Variants in SDK2 observed in about 807,000 individuals in gnomAD.
The protein encoded by SDK2 is protein sidekick-2.
A neutral mutation model predicts 253.9 loss-of-function variants in SDK2; 105 were observed. The observed-to-expected ratio is 0.41, with a 90% CI of 0.35 to 0.49. SDK2 has a LOEUF of 0.49. SDK2 is among the 20% of genes least tolerant of loss of function. The pLI is 0.06. For synonymous variants in SDK2, 1,249 were observed against 1,234.9 expected (o/e 1.01, Z -0.24); for missense variants, 2,608 against 3,003.0 (o/e 0.87, Z 3.07).
intron 1 of SDK2, among the ~76,000 whole-genome samples, chr17:73,508,461 C>T (rs549340321): frequency 4.6e-5 from 7 of 152,182 alleles, no homozygotes; most frequent in East Asian, 3.9e-4. Flanking sequence ...ATGGGAGAGA[C>T]GGAGGGAAGG....
rs553519509 is a variant in SDK2 at position 73,620,556 on chromosome 17, TCAAA to T, written c.64+23465_64+23468del. Among the ~76,000 whole-genome samples the T allele has an allele frequency of 3.3e-5, 5 of 152,286 alleles. No homozygotes were observed. The East Asian group carries it at 9.6e-4, about 29-fold the overall frequency. On this transcript the variant is annotated intron_variant, in intron 1 of 44. Transcript: ENST00000392650. ...ACCCAAAAGAACTGAGAACAAGGTC[TCAAA>T]CAAACACATGCACACACCTATTCAT...
chr17:73,640,518 G>A (rs534551816), intron 1 of SDK2, among the ~76,000 whole-genome samples: 3 of 152,240 alleles, frequency 2.0e-5, no homozygotes, highest in Non-Finnish European at 4.4e-5. Context: ...ACTCTCGAGT[G>A]GGGCTTTTGA....
chr17:73,605,315 AGAG>A (rs1216035434), intron 1 of SDK2, among the ~76,000 whole-genome samples: 1 of 152,032 alleles, frequency 6.6e-6, no homozygotes, highest in Non-Finnish European at 1.5e-5. Flanking sequence ...TGGCAGAGAG[AGAG>A]GATGGAGGTC....
chr17:73,357,894 A>G (rs2062605410), intron 40 of SDK2, 185 bp downstream of exon 40: 7 of 881,816 alleles, frequency 7.9e-6, no homozygotes, highest in Non-Finnish European at 1.1e-5. Context: ...TTACTTAGCT[A>G]GGAGTCCAGC....
At chr17:73,623,776 G>A (rs549228076) in intron 1 of SDK2, among the ~76,000 whole-genome samples, 1 of 152,216 alleles carries the variant, frequency 6.6e-6, no homozygotes, top group Non-Finnish European at 1.5e-5. Context: ...GGACTGCTCT[G>A]CCCGTTTCCC....
intron 1 of SDK2, among the ~76,000 whole-genome samples, chr17:73,552,437 C>A (rs1002108428): frequency 6.6e-6 from 1 of 152,218 alleles, no homozygotes; most frequent in Non-Finnish European, 1.5e-5. Flanking sequence ...ACATCTGTGT[C>A]ACGCATTGAA....
chr17:73,448,644 G>A (rs6501640), intron 4 of SDK2, among the ~76,000 whole-genome samples: 101,631 of 151,230 alleles, frequency 0.67, 34,719 homozygotes, highest in African/African-American at 0.81. Flanking sequence ...GATTACAGGC[G>A]TGAGCCACTG....
At chr17:73,595,834 TGAGAGGGG>T (rs2045750286) in intron 1 of SDK2, among the ~76,000 whole-genome samples, 1 of 152,148 alleles carries the variant, frequency 6.6e-6, no homozygotes, top group East Asian at 1.9e-4. Flanking sequence ...CCAGGGGGGC[TGAGAGGGG>T]CCAGGGGAGC....
chr17:73,504,189 C>T (rs920985065), intron 2 of SDK2, among the ~76,000 whole-genome samples: 3 of 89,486 alleles, frequency 3.4e-5, no homozygotes, highest in African/African-American at 1.1e-4. Flanking sequence ...TGGAGCAGTG[C>T]GTGCGTGTGT....
At chr17:73,453,193 T>C (rs1416605518) in intron 4 of SDK2, among the ~76,000 whole-genome samples, 1 of 152,142 alleles carries the variant, frequency 6.6e-6, no homozygotes, top group Non-Finnish European at 1.5e-5. Context: ...GAAAAGTGTA[T>C]GTTCCTGTGC....
At chr17:73,343,489 G>T (rs1238393398) in intron 44 of SDK2, among the ~76,000 whole-genome samples, 2 of 152,218 alleles carry the variant, frequency 1.3e-5, no homozygotes, top group Non-Finnish European at 2.9e-5. Flanking sequence ...CACGGGCCTC[G>T]GTAATTGAAT....
intron 1 of SDK2, among the ~76,000 whole-genome samples, chr17:73,522,771 GAC>G (rs1170094557): frequency 6.6e-6 from 1 of 152,354 alleles, no homozygotes; most frequent in East Asian, 1.9e-4. Flanking sequence ...AGAGGAGAGA[GAC>G]AGAAACACAA....
At chr17:73,549,829 T>C (rs1208358475) in intron 1 of SDK2, among the ~76,000 whole-genome samples, 1 of 151,366 alleles carries the variant, frequency 6.6e-6, no homozygotes, top group East Asian at 1.9e-4. Flanking sequence ...CACTGAAGGG[T>C]TTCAGCAGCA....
At chr17:73,625,589 T>C (rs2046191524) in intron 1 of SDK2, among the ~76,000 whole-genome samples, 1 of 152,228 alleles carries the variant, frequency 6.6e-6, no homozygotes, top group Non-Finnish European at 1.5e-5. Flanking sequence ...ATTTCTCCGC[T>C]GCCATCTTGA....
At chr17:73,557,552 C>T (rs536024776) in intron 1 of SDK2, among the ~76,000 whole-genome samples, 1 of 152,168 alleles carries the variant, frequency 6.6e-6, no homozygotes, top group African/African-American at 2.4e-5. Flanking sequence ...GTCTGCCTAC[C>T]TCAGCTTCCC....
chr17:73,625,735 C>T (rs2046192963), intron 1 of SDK2, among the ~76,000 whole-genome samples: 1 of 152,074 alleles, frequency 6.6e-6, no homozygotes, highest in Non-Finnish European at 1.5e-5. Context: ...ACATCTGCCT[C>T]CCCGGCTCAA....
At chr17:73,579,999 A>C (rs1245373130) in intron 1 of SDK2, among the ~76,000 whole-genome samples, 1 of 151,764 alleles carries the variant, frequency 6.6e-6, no homozygotes, top group Non-Finnish European at 1.5e-5. Flanking sequence ...AAGAAAAAAA[A>C]AAAAAAGAGA....
At chr17:73,457,640 C>T (rs542145368) in intron 3 of SDK2, among the ~76,000 whole-genome samples, 6 of 151,854 alleles carry the variant, frequency 4.0e-5, no homozygotes, top group Non-Finnish European at 7.4e-5. Flanking sequence ...TCTGAGCCAC[C>T]GTGCCCAGCC....
At chr17:73,365,041 A>G (rs2062672001) in intron 38 of SDK2, among the ~76,000 whole-genome samples, 1 of 152,146 alleles carries the variant, frequency 6.6e-6, no homozygotes, top group Non-Finnish European at 1.5e-5. Flanking sequence ...CCTGGAAGTT[A>G]GGAGACCTGG....
Sources: allele counts gnomAD v4.1 joint callset (sites outside exome capture counted in the v4.1 genomes callset), GRCh38; gene constraint gnomAD v4.1.1; transcripts MANE v1.5; gene names NCBI Gene and HGNC (gene_info 2026-07-23, HGNC 2026-07-21).